The following NDST4 variants were observed in gnomAD, a reference collection of about 807,000 sequenced individuals.
NDST4 encodes the protein N-deacetylase and N-sulfotransferase 4.
A neutral mutation model predicts 100.8 loss-of-function variants in NDST4; 63 were observed. The ratio of observed to expected loss-of-function variants is 0.62; its 90% CI spans 0.51 to 0.77. The LOEUF (loss-of-function observed/expected upper bound fraction) is 0.77, where lower values mean the gene tolerates loss of function less well. Among genes scored for constraint, NDST4 ranks in the 30% least tolerant of loss-of-function variants. The probability of loss-of-function intolerance (pLI) is 0.00; values close to 1 mark genes in which losing one functional copy is unlikely to be tolerated. For synonymous variants in NDST4, 377 were observed against 361.8 expected (o/e 1.04, Z -0.48); for missense variants, 943 against 1,018.4 (o/e 0.93, Z 1.01).
intron 2 of NDST4, among the ~76,000 whole-genome samples, chr4:114,983,896 C>A (rs893189774): frequency 1.3e-5 from 2 of 152,102 alleles, no homozygotes; most frequent in Non-Finnish European, 2.9e-5. Flanking sequence ...CCCCCAAGTG[C>A]AGTCTTGTGA....
At chr4:114,990,192 G>A (rs1727007279) in intron 2 of NDST4, among the ~76,000 whole-genome samples, 1 of 151,928 alleles carries the variant, frequency 6.6e-6, no homozygotes, top group East Asian at 1.9e-4. Context: ...GGTTCATTGT[G>A]GAGGAAATAT....
At chr4:114,868,111 T>C (rs1489427047) in intron 7 of NDST4, among the ~76,000 whole-genome samples, 1 of 152,142 alleles carries the variant, frequency 6.6e-6, no homozygotes, top group African/African-American at 2.4e-5. Flanking sequence ...AATGTGTGAA[T>C]TGAAAATCTA....
At position 114,978,969 on chromosome 4, in the gene NDST4, G is replaced by T. The variant is rs1469160250; in HGVS notation, c.979-1695C>A. 3.3e-5 allele frequency among the ~76,000 whole-genome samples: 5 copies of T among 152,054 alleles called. No individual in the cohort carries two copies. The South Asian group carries it at 1.0e-3, about 32-fold the overall frequency. On this transcript the variant is annotated intron_variant, in intron 2 of 13. Transcript: ENST00000264363. ...TAGCTAAGTGTCTGGCAAGTAGCATGAGCTCAATAAATACTATTACTGATA... is the reference window on the plus strand; with the variant it reads ...TAGCTAAGTGTCTGGCAAGTAGCATTAGCTCAATAAATACTATTACTGATA...
At chr4:114,970,710 A>C (rs1726494227) in intron 3 of NDST4, 126 bp from the exon 4 acceptor site, 1 of 820,414 alleles carries the variant, frequency 1.2e-6, no homozygotes, top group Non-Finnish European at 1.8e-6. Flanking sequence ...GGGCTTTTTA[A>C]ATCAGAATAA....
intron 6 of NDST4, among the ~76,000 whole-genome samples, chr4:114,915,200 T>G (rs2126216625): frequency 6.6e-6 from 1 of 152,224 alleles, no homozygotes; most frequent in South Asian, 2.1e-4. Flanking sequence ...AAATAGCCAG[T>G]TTGTTCTGTG....
chr4:115,075,992 T>G, intron 2 of NDST4, 67 bp downstream of exon 2: 1 of 1,495,562 alleles, frequency 6.7e-7, no homozygotes, highest in Non-Finnish European at 9.0e-7. Flanking sequence ...ATCTATCATA[T>G]TAGTAATATT....
intron 1 of NDST4, among the ~76,000 whole-genome samples, chr4:115,102,603 A>C (rs1729752740): frequency 1.3e-5 from 2 of 151,900 alleles, no homozygotes; most frequent in East Asian, 3.9e-4. Context: ...AGTCACTTCC[A>C]TCATCATAAA....
At chr4:114,867,670 A>AAG (rs1239111872) in intron 7 of NDST4, among the ~76,000 whole-genome samples, 1 of 143,116 alleles carries the variant, frequency 7.0e-6, no homozygotes, top group African/African-American at 2.8e-5. Context: ...AAAAGCAAAA[A>AAG]AAAAAAAAAA....
intron 2 of NDST4, among the ~76,000 whole-genome samples, chr4:115,071,605 A>G (rs1729079410): frequency 6.6e-6 from 1 of 152,022 alleles, no homozygotes; most frequent in African/African-American, 2.4e-5. Context: ...CCTATTGAAC[A>G]CCTCTTTTAT....
chr4:114,848,427 A>T, intron 8 of NDST4, 89 bp from the exon 9 acceptor site: 1 of 1,018,188 alleles, frequency 9.8e-7, no homozygotes, highest in East Asian at 2.5e-5. Flanking sequence ...GTAATATTAA[A>T]ATAATCAACT....
intron 8 of NDST4, 55 bp from the exon 9 acceptor site, chr4:114,848,393 T>A: frequency 7.6e-7 from 1 of 1,320,604 alleles, no homozygotes; most frequent in Non-Finnish European, 1.0e-6. Flanking sequence ...CAAAATATTA[T>A]TTTAGCATAT....
intron 2 of NDST4, among the ~76,000 whole-genome samples, chr4:115,014,695 T>C (rs1578454522): frequency 6.6e-6 from 1 of 152,086 alleles, no homozygotes; most frequent in South Asian, 2.1e-4. Flanking sequence ...AGGATGCTGC[T>C]TGGAGTTTTT....
intron 6 of NDST4, among the ~76,000 whole-genome samples, chr4:114,894,805 C>T (rs1262181967): frequency 6.6e-6 from 1 of 152,082 alleles, no homozygotes; most frequent in African/African-American, 2.4e-5. Context: ...GAGAGGGCAT[C>T]CTTGTCTTTT....
At chr4:114,952,829 T>C (rs1726047021) in intron 4 of NDST4, among the ~76,000 whole-genome samples, 2 of 152,060 alleles carry the variant, frequency 1.3e-5, no homozygotes, top group South Asian at 4.1e-4. Flanking sequence ...CATTATGCCA[T>C]TTACACACCT....
At chr4:115,006,745 T>C (rs1727427870) in intron 2 of NDST4, among the ~76,000 whole-genome samples, 1 of 152,098 alleles carries the variant, frequency 6.6e-6, no homozygotes, top group Non-Finnish European at 1.5e-5. Context: ...AGTTGTCATG[T>C]GTCTGGTGAA....
At chr4:114,883,739 T>C (rs569360377) in intron 6 of NDST4, among the ~76,000 whole-genome samples, 1 of 152,250 alleles carries the variant, frequency 6.6e-6, no homozygotes, top group Admixed American at 6.6e-5. Flanking sequence ...AATTTTTTCA[T>C]GGAAGGCTAG....
Position 114,961,296 on chromosome 4 carries a change from GA to G in NDST4, c.1221+9133del, listed in dbSNP as rs541830526. On this transcript the variant is annotated intron_variant, in intron 4 of 13. Coordinates refer to ENST00000264363, the MANE Select transcript of NDST4 (RefSeq NM_022569.3). ...ACCTATTATTTCTCCGTAAAACATT[GA>G]AAAAAAGCGTATTAAATATAAAGCA... Among the ~76,000 whole-genome samples, 14 of 150,730 alleles carry G rather than the reference GA, an allele frequency of 9.3e-5. No individual in the cohort carries two copies. In the South Asian group the frequency reaches 1.7e-3, roughly 18 times the overall value.
intron 6 of NDST4, among the ~76,000 whole-genome samples, chr4:114,907,502 A>C (rs549398113): frequency 6.6e-6 from 1 of 152,302 alleles, no homozygotes; most frequent in East Asian, 1.9e-4. Context: ...AATAAATGTT[A>C]TGATTTTAAA....
At chr4:115,072,792 T>C (rs1429866261) in intron 2 of NDST4, among the ~76,000 whole-genome samples, 1 of 151,850 alleles carries the variant, frequency 6.6e-6, no homozygotes, top group African/African-American at 2.4e-5. Context: ...TTTTTAGATA[T>C]GACCCAAAAA....
Sources: gnomAD v4.1 joint callset for allele counts (sites outside exome capture counted in the v4.1 genomes callset) on GRCh38, gnomAD v4.1.1 for gene constraint, MANE v1.5 for transcripts, NCBI Gene and HGNC (gene_info 2026-07-23, HGNC 2026-07-21) for gene names.